ESRRB: variants seen among roughly 807,000 people sequenced by gnomAD.
The protein encoded by ESRRB is estrogen related receptor beta.
ESRRB carries 16 observed loss-of-function variants against 46.0 expected under a neutral mutation model. The ratio of observed to expected loss-of-function variants is 0.35; its 90% CI spans 0.24 to 0.53. The LOEUF (loss-of-function observed/expected upper bound fraction) is 0.53, where lower values mean the gene tolerates loss of function less well. ESRRB is among the 20% of genes least tolerant of loss of function. The pLI is 0.93. For synonymous variants in ESRRB, 246 were observed against 259.6 expected, an observed-to-expected ratio of 0.95 and a Z score of 0.50; for missense variants, 488 against 607.4, an observed-to-expected ratio of 0.80 and a Z score of 2.07.
chr14:76,420,671 G>A (rs1192162691), intron 1 of ESRRB, among the ~76,000 whole-genome samples: 1 of 145,872 alleles, frequency 6.9e-6, no homozygotes, highest in Non-Finnish European at 1.5e-5. Context: ...AAGTAATTTT[G>A]GCACTTTGGC....
At chr14:76,363,966 C>T (rs1344244620) in intron 1 of ESRRB, among the ~76,000 whole-genome samples, 1 of 152,064 alleles carries the variant, frequency 6.6e-6, no homozygotes, top group Admixed American at 6.5e-5. Flanking sequence ...GTGATGACAC[C>T]CAGCTCAGAT....
intron 3 of ESRRB, among the ~76,000 whole-genome samples, chr14:76,468,027 T>G (rs1889195299): frequency 6.6e-6 from 1 of 152,176 alleles, no homozygotes; most frequent in African/African-American, 2.4e-5. Flanking sequence ...TGCTTTGTGC[T>G]TGTTGGGAAG....
chr14:76,367,487 G>A (rs910663910), upstream of ESRRB, among the ~76,000 whole-genome samples: 1 of 151,108 alleles, frequency 6.6e-6, no homozygotes, highest in African/African-American at 2.4e-5. Flanking sequence ...AGCCTGGGAA[G>A]TCAAGGCTGC....
At chr14:76,496,676 T>C (rs1188371429) in intron 6 of ESRRB, among the ~76,000 whole-genome samples, 3 of 152,110 alleles carry the variant, frequency 2.0e-5, no homozygotes, top group African/African-American at 7.2e-5. Flanking sequence ...CAGGAGACCA[T>C]TGAGGTGTCC....
At chr14:76,467,893 C>T (rs563950621) in intron 3 of ESRRB, among the ~76,000 whole-genome samples, 7 of 152,244 alleles carry the variant, frequency 4.6e-5, no homozygotes, top group African/African-American at 1.7e-4. Flanking sequence ...CTCACGCGAC[C>T]GGCCTCCCAA....
intron 1 of ESRRB, among the ~76,000 whole-genome samples, chr14:76,350,398 T>C (rs113646790): frequency 1.3e-3 from 192 of 152,302 alleles, no homozygotes; most frequent in African/African-American, 3.2e-3. Flanking sequence ...ACAGGACATA[T>C]GCCTGCGAAT....
At chr14:76,415,338 T>G (rs1430870419) in intron 1 of ESRRB, among the ~76,000 whole-genome samples, 2 of 152,168 alleles carry the variant, frequency 1.3e-5, no homozygotes, top group Admixed American at 1.3e-4. Context: ...TGGTAAGCAC[T>G]TAAATTGTTT....
chr14:76,455,203 C>G (rs1489874072), intron 2 of ESRRB, among the ~76,000 whole-genome samples: 1 of 152,018 alleles, frequency 6.6e-6, no homozygotes, highest in African/African-American at 2.4e-5. Flanking sequence ...GGCGACAGAG[C>G]AAGACTTTGT....
chr14:76,464,073 G>A (rs535067196), intron 3 of ESRRB, among the ~76,000 whole-genome samples: 1 of 152,260 alleles, frequency 6.6e-6, no homozygotes, highest in Admixed American at 6.5e-5. Flanking sequence ...GTGTTTCCCT[G>A]CTTCTCCAGC....
At chr14:76,380,646 C>A (rs557332064) in intron 1 of ESRRB, among the ~76,000 whole-genome samples, 5 of 152,324 alleles carry the variant, frequency 3.3e-5, no homozygotes, top group African/African-American at 1.2e-4. Context: ...GCTCTTCCTG[C>A]TGAGCAGGAG....
chr14:76,333,043 T>TTATATATTATATATATTATTTATATTA (rs1884060196), intron 1 of ESRRB, among the ~76,000 whole-genome samples: 1 of 5,814 alleles, frequency 1.7e-4, no homozygotes, highest in Non-Finnish European at 3.1e-4. Flanking sequence ...ATATTATATA[T>TTATATATTATATATATTATTTATATTA]TATATATTAT....
At chr14:76,370,089 T>C (rs568572940), upstream of ESRRB, among the ~76,000 whole-genome samples, 1 of 152,258 alleles carries the variant, frequency 6.6e-6, no homozygotes, top group East Asian at 1.9e-4. Context: ...ATCAACTATG[T>C]ATGCTCAAAT....
chr14:76,494,033 T>C (rs1385362918), intron 6 of ESRRB, among the ~76,000 whole-genome samples: 1 of 152,174 alleles, frequency 6.6e-6, no homozygotes, highest in Non-Finnish European at 1.5e-5. Context: ...GCCTCCCCAC[T>C]TCCTTTCTCC....
At chr14:76,324,259 C>A (rs990815136) in intron 1 of ESRRB, among the ~76,000 whole-genome samples, 1 of 152,312 alleles carries the variant, frequency 6.6e-6, no homozygotes, top group South Asian at 2.1e-4. Flanking sequence ...ACAGACTGGT[C>A]AGTTCCAACC....
At position 76,482,802 on chromosome 14, in the gene ESRRB, A is replaced by G; in HGVS notation, c.850+43A>G. On this transcript the variant is annotated intron_variant, in intron 5 of 6. Transcript: ENST00000644823. The surrounding 1 kb of genome is among the most constrained non-coding windows in gnomAD (Gnocchi z 4.3). ...GGGGAGAGTGTGGCCAGGGACTCTC[A>G]GCCGGTATCTCCGCAGCCTACCCAA... 6.2e-7 allele frequency: 1 copy of G among 1,609,718 alleles called. No homozygotes were observed. The highest frequency in any genetic ancestry group is 8.5e-7 in the Non-Finnish European group (1 of 1,177,722).
intron 1 of ESRRB, among the ~76,000 whole-genome samples, chr14:76,424,805 T>G (rs759233633): frequency 6.6e-6 from 1 of 152,148 alleles, no homozygotes; most frequent in Non-Finnish European, 1.5e-5. Flanking sequence ...GGCACAATCT[T>G]GGCTCACTGC....
chr14:76,351,171 A>C (rs1279710287), intron 1 of ESRRB, among the ~76,000 whole-genome samples: 1 of 152,214 alleles, frequency 6.6e-6, no homozygotes, highest in Non-Finnish European at 1.5e-5. Context: ...CACCATCCCC[A>C]TGAATGGAAA....
chr14:76,383,577 T>C (rs1885101690), intron 1 of ESRRB, among the ~76,000 whole-genome samples: 1 of 152,216 alleles, frequency 6.6e-6, no homozygotes, highest in Non-Finnish European at 1.5e-5. Context: ...CTTCATTTTT[T>C]CCCCTCTATT....
chr14:76,361,122 T>C (rs1555390560), intron 1 of ESRRB, among the ~76,000 whole-genome samples: 1 of 152,166 alleles, frequency 6.6e-6, no homozygotes, highest in Non-Finnish European at 1.5e-5. Flanking sequence ...AAAGAATACA[T>C]TTGAGAAGCT....
Sources: gnomAD v4.1 joint callset for allele counts (sites outside exome capture counted in the v4.1 genomes callset) on GRCh38, gnomAD v4.1.1 for gene constraint, Gnocchi (gnomAD v3.1) non-coding constraint, MANE v1.5 for transcripts, NCBI Gene and HGNC (gene_info 2026-07-23, HGNC 2026-07-21) for gene names.